Variants in ZNF487 observed in about 807,000 individuals in gnomAD.
ZNF487 encodes the protein KRAB domain only 1.
ZNF487 carries 4 observed loss-of-function variants against 3.0 expected under a neutral mutation model. The observed-to-expected ratio is 1.35, with a 90% CI of 0.66 to 3.08. ZNF487 has a LOEUF of 3.08. ZNF487 is among the 30% of genes most tolerant of loss of function. ZNF487 has a pLI of 0.01. For synonymous variants in ZNF487, 55 were observed against 34.6 expected, an observed-to-expected ratio of 1.59 and a Z score of -2.06; for missense variants, 146 against 98.7, an observed-to-expected ratio of 1.48 and a Z score of -2.03.
intron 1 of ZNF487, among the ~76,000 whole-genome samples, chr10:43,440,746 C>T (rs1258300799): frequency 1.3e-5 from 2 of 151,746 alleles, no homozygotes; most frequent in African/African-American, 4.8e-5. Flanking sequence ...CTCCTTTGCC[C>T]TAGGGTAACC....
chr10:43,461,097 C>T (rs942212331), intron 1 of ZNF487, among the ~76,000 whole-genome samples: 10 of 151,820 alleles, frequency 6.6e-5, no homozygotes, highest in Non-Finnish European at 1.2e-4. Context: ...ACCTCCACCT[C>T]CCCAGTTCAA....
the ZNF487 span, among the ~76,000 whole-genome samples, chr10:43,511,041 G>C: frequency 6.6e-6 from 1 of 152,176 alleles, no homozygotes; most frequent in East Asian, 1.9e-4. Flanking sequence ...TGGAACACTA[G>C]GGGTGATGGT....
intron 1 of ZNF487, among the ~76,000 whole-genome samples, chr10:43,466,544 A>C (rs577526783): frequency 6.6e-6 from 1 of 150,890 alleles, no homozygotes; most frequent in Non-Finnish European, 1.5e-5. Flanking sequence ...CTGGGATTAC[A>C]GGTGCGCACC....
the ZNF487 span, among the ~76,000 whole-genome samples, chr10:43,491,120 C>T: frequency 4.6e-5 from 7 of 150,780 alleles, no homozygotes; most frequent in Admixed American, 1.3e-4. Flanking sequence ...ACATGTGCCA[C>T]TATGCCTGGC....
At chr10:43,457,241 A>C (rs1473032922) in intron 1 of ZNF487, among the ~76,000 whole-genome samples, 1 of 145,076 alleles carries the variant, frequency 6.9e-6, no homozygotes, top group South Asian at 2.2e-4. Flanking sequence ...GTGAGACTCC[A>C]TCTCCAGAAA....
At chr10:43,506,557 C>G in the ZNF487 span, among the ~76,000 whole-genome samples, 1 of 152,114 alleles carries the variant, frequency 6.6e-6, no homozygotes, top group Non-Finnish European at 1.5e-5. Context: ...CTGCTTATCC[C>G]TGAGTAGTAT....
the ZNF487 span, among the ~76,000 whole-genome samples, chr10:43,512,084 C>T: frequency 9.9e-5 from 15 of 152,226 alleles, no homozygotes; most frequent in African/African-American, 3.6e-4. Context: ...GAAGATTTCC[C>T]TTCACCGCTG....
At chr10:43,487,136 ATTTTTTTTT>A (rs5784601), downstream of ZNF487, among the ~76,000 whole-genome samples, 18 of 120,646 alleles carry the variant, frequency 1.5e-4, no homozygotes, top group Admixed American at 1.0e-3. Flanking sequence ...GTCACTAAGA[ATTTTTTTTT>A]TTTTTTTTTT....
intron 1 of ZNF487, among the ~76,000 whole-genome samples, chr10:43,467,523 A>T (rs538419408): frequency 6.6e-6 from 1 of 152,158 alleles, no homozygotes; most frequent in East Asian, 2.0e-4. Context: ...ATTGTTTAAG[A>T]AATAAATTTG....
the ZNF487 span, among the ~76,000 whole-genome samples, chr10:43,492,383 T>C: frequency 6.6e-6 from 1 of 151,882 alleles, no homozygotes; most frequent in Non-Finnish European, 1.5e-5. Flanking sequence ...TCTTTGAAAA[T>C]GTGTTTCACA....
At chr10:43,483,244 G>C (rs1026149207), downstream of ZNF487, 5 of 377,052 alleles carry the variant, frequency 1.3e-5, no homozygotes, top group Non-Finnish European at 2.6e-5. Context: ...TTCTTTTCTT[G>C]TTGTTACTTT....
Position 43,481,663 on chromosome 10 carries a change from C to T in ZNF487, c.365C>T (p.Ser122Phe), listed in dbSNP as rs1564430007. The T allele has an allele frequency of 1.5e-6, 1 of 689,028 alleles. No homozygotes were observed. Among genetic ancestry groups the T allele is most frequent in the African/African-American group, 1.8e-5 (1 of 55,880 alleles). 42.7% of individuals were successfully genotyped at this position (689,028 alleles called of 1,614,324 possible). A position where few individuals can be genotyped will look rare whatever the true frequency, so the allele number is the denominator to read the frequency against. Residue 122 changes from serine (S) to phenylalanine (F), a missense_variant, in exon 4 of 4, where the codon TCC becomes TTC. Coordinates refer to ENST00000437590, the MANE Select transcript of ZNF487 (RefSeq NM_001355444.3). ...ISELIISNRS[S>F]FVRNPAECNV... ...GAATTAATTATTAGTAATAGAAGCT[C>T]CTTTGTAAGGAACCCTGCTGAGTGT...
At chr10:43,446,779 TC>T (rs1202126766) in intron 1 of ZNF487, among the ~76,000 whole-genome samples, 6 of 152,138 alleles carry the variant, frequency 3.9e-5, no homozygotes, top group Non-Finnish European at 7.3e-5. Flanking sequence ...GCTCCTCACT[TC>T]CTAGACCGGG....
At chr10:43,457,606 C>T (rs2132079982) in intron 1 of ZNF487, among the ~76,000 whole-genome samples, 1 of 150,788 alleles carries the variant, frequency 6.6e-6, no homozygotes, top group Middle Eastern at 3.4e-3. Context: ...CATGAGATCG[C>T]TTGAACGCGC....
chr10:43,467,545 T>C (rs1479084444), intron 1 of ZNF487, among the ~76,000 whole-genome samples: 1 of 151,848 alleles, frequency 6.6e-6, no homozygotes, highest in East Asian at 2.0e-4. Context: ...AGCCAGGCGT[T>C]GTGACTCATG....
the ZNF487 span, among the ~76,000 whole-genome samples, chr10:43,506,827 A>G: frequency 6.6e-6 from 1 of 152,184 alleles, no homozygotes; most frequent in Non-Finnish European, 1.5e-5. Context: ...CCACGACCCA[A>G]GGGTAGGAAT....
At chr10:43,480,044 T>TTTCTTTCTTTC (rs201513596) in intron 3 of ZNF487, among the ~76,000 whole-genome samples, 13 of 24,938 alleles carry the variant, frequency 5.2e-4, no homozygotes, top group Non-Finnish European at 1.7e-3. Flanking sequence ...TCTTTCTTTC[T>TTTCTTTCTTTC]TTTTCTTTCT....
chr10:43,517,599 G>A, the ZNF487 span, among the ~76,000 whole-genome samples: 2 of 152,186 alleles, frequency 1.3e-5, no homozygotes, highest in African/African-American at 2.4e-5. Flanking sequence ...AGCAGCAACT[G>A]TTGGTCACAT....
rs780195937 is a variant in ZNF487 at position 43,479,065 on chromosome 10, ATATG to A, written c.131-2350_131-2347del. Reference sequence around the variant, plus strand: ...TATATATTTGTGTGTGTGTGTGAATATATGTATGTATGTATGTGTGTATATATAT... The same window carrying A: ...TATATATTTGTGTGTGTGTGTGAATATATGTATGTATGTGTGTATATATAT... On this transcript the variant is annotated intron_variant, in intron 3 of 3. Transcript: ENST00000437590. Among the ~76,000 whole-genome samples, 113 of 147,358 alleles carry A rather than the reference ATATG, an allele frequency of 7.7e-4. 1 individual carries two copies. The highest frequency in any genetic ancestry group is 1.2e-3 in the Non-Finnish European group (80 of 67,074).
Sources: gnomAD v4.1 joint callset for allele counts (sites outside exome capture counted in the v4.1 genomes callset) on GRCh38, gnomAD v4.1.1 for gene constraint, MANE v1.5 for transcripts, NCBI Gene and HGNC (gene_info 2026-07-23, HGNC 2026-07-21) for gene names.